Variants in SNTG1 observed in about 807,000 individuals in gnomAD.
SNTG1 encodes syntrophin gamma 1.
SNTG1 carries 39 observed loss-of-function variants against 74.7 expected under a neutral mutation model. That is an observed-to-expected ratio of 0.52 (90% CI 0.40 to 0.68). The LOEUF (loss-of-function observed/expected upper bound fraction) is 0.68. Among genes scored for constraint, SNTG1 ranks in the 30% least tolerant of loss-of-function variants. The probability of loss-of-function intolerance (pLI) is 0.00; values close to 1 mark genes in which losing one functional copy is unlikely to be tolerated. For missense variants in SNTG1, 685 were observed against 609.5 expected, an observed-to-expected ratio of 1.12 and a Z score of -1.30; for synonymous variants, 254 against 217.1, an observed-to-expected ratio of 1.17 and a Z score of -1.49.
rs371285707 is a variant in SNTG1 at position 50,795,936 on chromosome 8, T to C, written c.*3107T>C. On this transcript the variant is annotated 3_prime_UTR_variant, in exon 19 of 19. Coordinates refer to ENST00000642720, the MANE Select transcript of SNTG1 (RefSeq NM_018967.5). ...CATATTTCAGGCATGTACCAACTTA[T>C]AATTTTGAAATCTTCGCTCATAAAG... The C allele has an allele frequency of 1.2e-4, 18 of 152,122 alleles. No individual in the cohort carries two copies. The East Asian group carries it at 3.5e-3, about 29-fold the overall frequency. 9.4% of individuals were successfully genotyped at this position (152,122 alleles called of 1,614,324 possible). A position where few individuals can be genotyped will look rare whatever the true frequency, so the allele number is the denominator to read the frequency against.
At chr8:50,099,633 C>T (rs1440852963) in intron 1 of SNTG1, among the ~76,000 whole-genome samples, 5 of 152,074 alleles carry the variant, frequency 3.3e-5, no homozygotes, top group Non-Finnish European at 7.4e-5. Context: ...TCCCATTCTC[C>T]ACATTCTCAC....
chr8:50,266,646 A>ATGTGTG (rs748153246), intron 2 of SNTG1, among the ~76,000 whole-genome samples: 42 of 69,722 alleles, frequency 6.0e-4, no homozygotes, highest in Middle Eastern at 7.0e-3. Flanking sequence ...ACACAGAATT[A>ATGTGTG]TGTGTGTGTG....
intron 2 of SNTG1, among the ~76,000 whole-genome samples, chr8:50,231,076 G>T (rs1302569459): frequency 6.6e-6 from 1 of 151,060 alleles, no homozygotes; most frequent in East Asian, 1.9e-4. Context: ...ATTAAGAAAT[G>T]GGCAAGGAAA....
intron 2 of SNTG1, among the ~76,000 whole-genome samples, chr8:50,237,960 A>G (rs1321370405): frequency 1.3e-5 from 2 of 152,134 alleles, no homozygotes; most frequent in Non-Finnish European, 2.9e-5. Context: ...TACTAGAATG[A>G]TACAACTTTT....
intron 2 of SNTG1, among the ~76,000 whole-genome samples, chr8:50,190,076 A>G (rs547868102): frequency 6.6e-6 from 1 of 152,250 alleles, no homozygotes; most frequent in South Asian, 2.1e-4. Flanking sequence ...TAATCCATTA[A>G]ACAAGCATGT....
At chr8:50,238,865 A>G (rs553452981) in intron 2 of SNTG1, among the ~76,000 whole-genome samples, 2 of 152,306 alleles carry the variant, frequency 1.3e-5, no homozygotes, top group East Asian at 3.9e-4. Context: ...AAGAAGAAAT[A>G]CACATGAACA....
At chr8:50,633,899 A>G (rs947912600) in intron 13 of SNTG1, among the ~76,000 whole-genome samples, 12 of 152,136 alleles carry the variant, frequency 7.9e-5, no homozygotes, top group African/African-American at 2.4e-4. Flanking sequence ...TTTTATTCCT[A>G]TATCTGTGTA....
At chr8:50,428,721 C>CCTCAG (rs1489178460) in intron 4 of SNTG1, among the ~76,000 whole-genome samples, 1 of 152,038 alleles carries the variant, frequency 6.6e-6, no homozygotes, top group Non-Finnish European at 1.5e-5. Flanking sequence ...AAGCAAGAAA[C>CCTCAG]CTCAGAAGTG....
intron 9 of SNTG1, among the ~76,000 whole-genome samples, chr8:50,504,595 C>T (rs1947895): frequency 0.28 from 41,803 of 151,786 alleles, 7,357 homozygotes; most frequent in African/African-American, 0.5. Flanking sequence ...AGTTCAAGAC[C>T]AACTTGAACA....
At chr8:50,461,037 T>C (rs193119663) in intron 8 of SNTG1, among the ~76,000 whole-genome samples, 99 of 152,184 alleles carry the variant, frequency 6.5e-4, no homozygotes, top group South Asian at 1.7e-3. Context: ...AGAATACACA[T>C]TGCATTTAGT....
At position 50,780,751 on chromosome 8, in the gene SNTG1, G is replaced by C. The variant is rs576516907; in HGVS notation, c.1396-11920G>C. Among the ~76,000 whole-genome samples the C allele has an allele frequency of 5.3e-5, 8 of 152,136 alleles. No individual in the cohort carries two copies. The East Asian group carries it at 7.7e-4, about 15-fold the overall frequency. On this transcript the variant is annotated intron_variant, in intron 18 of 18. Coordinates refer to ENST00000642720, the MANE Select transcript of SNTG1 (RefSeq NM_018967.5). ...TATTTCTTGCCTTCTGCTATCTTTT[G>C]AATGTGTTTGCTCTTGTTTTTCTAG...
At chr8:50,597,808 A>T (rs1434808646) in intron 13 of SNTG1, among the ~76,000 whole-genome samples, 1 of 151,916 alleles carries the variant, frequency 6.6e-6, no homozygotes, top group Non-Finnish European at 1.5e-5. Context: ...TTCACTAATG[A>T]TTAGTGATTT....
intron 1 of SNTG1, among the ~76,000 whole-genome samples, chr8:50,086,793 T>G (rs1192269084): frequency 6.6e-6 from 1 of 152,170 alleles, no homozygotes; most frequent in Non-Finnish European, 1.5e-5. Flanking sequence ...AAACTCACCT[T>G]ATTTTAAAAA....
At chr8:50,494,407 C>T (rs956645601) in intron 8 of SNTG1, among the ~76,000 whole-genome samples, 1 of 151,652 alleles carries the variant, frequency 6.6e-6, no homozygotes, top group South Asian at 2.1e-4. Context: ...TTTTAATTTT[C>T]ATTTAAATTT....
chr8:49,929,175 A>G (rs1427486326), intron 1 of SNTG1, among the ~76,000 whole-genome samples: 1 of 152,238 alleles, frequency 6.6e-6, no homozygotes, highest in Non-Finnish European at 1.5e-5. Flanking sequence ...ATTGACAACC[A>G]CTTCCCATCA....
intron 2 of SNTG1, among the ~76,000 whole-genome samples, chr8:50,388,231 C>A (rs1397825031): frequency 2.0e-5 from 3 of 152,110 alleles, no homozygotes; most frequent in African/African-American, 7.2e-5. Context: ...ACTTTCTATA[C>A]CATGGTTAAG....
intron 1 of SNTG1, among the ~76,000 whole-genome samples, chr8:50,039,520 T>TG: frequency 7.5e-6 from 1 of 133,680 alleles, no homozygotes; most frequent in Non-Finnish European, 1.6e-5. Flanking sequence ...TTATCTAAAA[T>TG]GGGTATCAGC....
chr8:50,376,744 T>TAGAG (rs1366560448), intron 2 of SNTG1, among the ~76,000 whole-genome samples: 1 of 112,910 alleles, frequency 8.9e-6, no homozygotes, highest in African/African-American at 3.1e-5. Context: ...TATATATATA[T>TAGAG]ATATATATAT....
Position 50,345,580 on chromosome 8 carries a change from T to G in SNTG1, c.-27-48632T>G, listed in dbSNP as rs367863013. The stretch of plus-strand genomic sequence containing the variant: ...TGTTCCTGGTTCATAGGGAGGTGGG[T>G]GTATTATGCATATGTTAAATCAACT... On this transcript the variant is annotated intron_variant, in intron 2 of 18. Coordinates refer to ENST00000642720, the MANE Select transcript of SNTG1 (RefSeq NM_018967.5). Among the ~76,000 whole-genome samples the G allele has an allele frequency of 2.0e-5, 3 of 152,286 alleles. No individual in the cohort carries two copies. The East Asian group carries it at 5.8e-4, about 29-fold the overall frequency.
Sources: allele counts gnomAD v4.1 joint callset (sites outside exome capture counted in the v4.1 genomes callset), GRCh38; gene constraint gnomAD v4.1.1; transcripts MANE v1.5; gene names NCBI Gene and HGNC (gene_info 2026-07-23, HGNC 2026-07-21).